Variants in HORMAD2 observed in about 807,000 individuals in gnomAD.
HORMAD2 encodes the protein HORMA domain containing 2, also known as HORMA domain-containing protein 2.
In HORMAD2, 45 loss-of-function variants were observed where a neutral mutation model predicts 38.8. The observed-to-expected ratio is 1.16, with a 90% CI of 0.91 to 1.49. The LOEUF is 1.49. HORMAD2 is among the 40% of genes most tolerant of loss of function. The probability of loss-of-function intolerance (pLI) is 0.00; values close to 1 mark genes in which losing one functional copy is unlikely to be tolerated. For missense variants in HORMAD2, 338 were observed against 367.0 expected, an observed-to-expected ratio of 0.92 and a Z score of 0.65; for synonymous variants, 126 against 122.8, an observed-to-expected ratio of 1.03 and a Z score of -0.17.
downstream of HORMAD2, among the ~76,000 whole-genome samples, chr22:30,177,680 G>GTAAAGGC (rs1926533345): frequency 7.0e-6 from 1 of 143,660 alleles, no homozygotes; most frequent in Admixed American, 6.9e-5. Context: ...GAGCAAATCA[G>GTAAAGGC]TAAAGGCTAT....
At chr22:30,166,206 G>A (rs1350894111) in intron 10 of HORMAD2, among the ~76,000 whole-genome samples, 3 of 151,946 alleles carry the variant, frequency 2.0e-5, no homozygotes, top group African/African-American at 7.2e-5. Context: ...ATGCCTTTGT[G>A]TTTTGAGGAA....
Position 30,104,078 on chromosome 22 carries a change from T to G in HORMAD2, c.258-323T>G, listed in dbSNP as rs539561642. ...AATTGACTTGTATAAAAATAAAAACTGTGATAAAATATTAAATATATACAC... is the reference window on the plus strand; with the variant it reads ...AATTGACTTGTATAAAAATAAAAACGGTGATAAAATATTAAATATATACAC... On this transcript the variant is annotated intron_variant, in intron 4 of 10. Transcript: ENST00000336726. Among the ~76,000 whole-genome samples the G allele has an allele frequency of 3.3e-5, 5 of 152,300 alleles. No individual in the cohort carries two copies. In the South Asian group the frequency reaches 1.0e-3, roughly 32 times the overall value.
At chr22:30,174,760 T>C (rs1342721219) in intron 10 of HORMAD2, among the ~76,000 whole-genome samples, 1 of 152,194 alleles carries the variant, frequency 6.6e-6, no homozygotes, top group Non-Finnish European at 1.5e-5. Flanking sequence ...TACCAGATAC[T>C]TTTTTCCTAC....
intron 10 of HORMAD2, among the ~76,000 whole-genome samples, chr22:30,165,481 T>C (rs1569118562): frequency 6.6e-6 from 1 of 152,234 alleles, no homozygotes; most frequent in Non-Finnish European, 1.5e-5. Flanking sequence ...GTTGAGTCTG[T>C]AGATTGCTTT....
chr22:30,161,618 G>A (rs1018767742), intron 10 of HORMAD2, among the ~76,000 whole-genome samples: 2 of 151,932 alleles, frequency 1.3e-5, no homozygotes, highest in African/African-American at 4.8e-5. Context: ...ATTTACTCAG[G>A]CATTTGAAAG....
chr22:30,201,228 CT>C, the HORMAD2 span, among the ~76,000 whole-genome samples: 1 of 152,136 alleles, frequency 6.6e-6, no homozygotes, highest in Admixed American at 6.5e-5. Context: ...GTCTCTACCT[CT>C]GTCTTCACAA....
the HORMAD2 span, chr22:30,184,871 C>T: frequency 6.6e-6 from 1 of 152,184 alleles, no homozygotes; most frequent in African/African-American, 2.4e-5. Context: ...ACCACCAATT[C>T]ATTGGTTTCT....
At chr22:30,180,650 G>A (rs556978206), downstream of HORMAD2, among the ~76,000 whole-genome samples, 42 of 152,122 alleles carry the variant, frequency 2.8e-4, no homozygotes, top group Non-Finnish European at 4.4e-4. Context: ...TTAAGCAAGC[G>A]GATTCAAGTA....
rs1476533205 is a variant in HORMAD2 at position 30,122,105 on chromosome 22, AG to A, written c.712del (p.Ala238LeufsTer4). 1 of 1,613,780 alleles carries A rather than the reference AG, an allele frequency of 6.2e-7. No individual in the cohort carries two copies. Among genetic ancestry groups the A allele is most frequent in the Admixed American group, 1.7e-5 (1 of 59,956 alleles). ...AGCATGAAAGTAAAAGTCATGACAG[AG>A]GCTACAAAAGTGATTGATTTGGAGA... Reference protein sequence around the residue: ...FHSMKVKVMTEATKVIDLENN... With the variant: ...FHSMKVKVMTXATKVIDLENN... On this transcript the variant is annotated frameshift_variant, in exon 10 of 11. Coordinates refer to ENST00000336726, the MANE Select transcript of HORMAD2 (RefSeq NM_152510.4). LOFTEE classifies it high-confidence loss of function.
chr22:30,185,703 G>C, the HORMAD2 span, among the ~76,000 whole-genome samples: 2 of 152,124 alleles, frequency 1.3e-5, no homozygotes, highest in South Asian at 2.1e-4. Flanking sequence ...CCAGGTATCA[G>C]TATTATTGTA....
intron 10 of HORMAD2, among the ~76,000 whole-genome samples, chr22:30,154,752 T>G (rs1924961279): frequency 6.6e-6 from 1 of 152,142 alleles, no homozygotes; most frequent in African/African-American, 2.4e-5. Context: ...CAAGATTAGA[T>G]TCAGGGTATG....
At chr22:30,111,773 G>A in intron 5 of HORMAD2, 23 bp from the exon 6 acceptor site, 1 of 1,483,288 alleles carries the variant, frequency 6.7e-7, no homozygotes, top group Non-Finnish European at 9.2e-7. Context: ...AATAATAATA[G>A]TTTTTTTTTC....
At chr22:30,128,801 A>G (rs1008303592) in intron 10 of HORMAD2, among the ~76,000 whole-genome samples, 1 of 152,220 alleles carries the variant, frequency 6.6e-6, no homozygotes, top group Non-Finnish European at 1.5e-5. Context: ...AAGATAGAGT[A>G]TATGATTAGG....
intron 1 of HORMAD2, among the ~76,000 whole-genome samples, chr22:30,084,443 C>T (rs190527129): frequency 1.3e-3 from 200 of 152,264 alleles, no homozygotes; most frequent in African/African-American, 4.5e-3. Flanking sequence ...CAACTCTCAA[C>T]ACTTGCATTG....
chr22:30,169,170 C>A (rs1422130094), intron 10 of HORMAD2, among the ~76,000 whole-genome samples: 1 of 152,118 alleles, frequency 6.6e-6, no homozygotes, highest in South Asian at 2.1e-4. Flanking sequence ...CCTTGCCAGG[C>A]CTCCCCAGAA....
chr22:30,093,890 CT>C (rs1203847039), intron 1 of HORMAD2, 25 bp from the exon 2 acceptor site: 2 of 1,173,530 alleles, frequency 1.7e-6, no homozygotes, highest in Admixed American at 4.5e-5. Context: ...GGCAAGGTCT[CT>C]AATTAATTAA....
At chr22:30,194,474 G>T in the HORMAD2 span, among the ~76,000 whole-genome samples, 2 of 152,214 alleles carry the variant, frequency 1.3e-5, no homozygotes, top group South Asian at 4.1e-4. Flanking sequence ...TGATGAAGCA[G>T]ATTCTCATTC....
At chr22:30,148,510 T>C (rs988473372) in intron 10 of HORMAD2, among the ~76,000 whole-genome samples, 2 of 152,152 alleles carry the variant, frequency 1.3e-5, no homozygotes, top group Non-Finnish European at 2.9e-5. Flanking sequence ...CAAAAATAGG[T>C]GCATTTTTTA....
At chr22:30,156,738 T>C (rs1397562068) in intron 10 of HORMAD2, among the ~76,000 whole-genome samples, 1 of 152,250 alleles carries the variant, frequency 6.6e-6, no homozygotes, top group Non-Finnish European at 1.5e-5. Context: ...CTTGAAACTT[T>C]AGAACTAAAA....
Sources: gnomAD v4.1 joint callset for allele counts (sites outside exome capture counted in the v4.1 genomes callset) on GRCh38, gnomAD v4.1.1 for gene constraint, MANE v1.5 for transcripts, NCBI Gene and HGNC (gene_info 2026-07-23, HGNC 2026-07-21) for gene names.